Variants in DPH6 observed in about 807,000 individuals in gnomAD.
DPH6 encodes the protein diphthamine biosynthesis 6, also known as diphthine--ammonia ligase.
DPH6 carries 33 observed loss-of-function variants against 38.2 expected under a neutral mutation model. The ratio of observed to expected loss-of-function variants is 0.86; its 90% confidence interval spans 0.65 to 1.15. DPH6 has a LOEUF of 1.15. Among genes scored for constraint, DPH6 ranks in the 50% most tolerant of loss-of-function variants. DPH6 has a pLI of 0.00. For synonymous variants in DPH6, 108 were observed against 103.0 expected, an observed-to-expected ratio of 1.05 and a Z score of -0.30; for missense variants, 325 against 320.0, an observed-to-expected ratio of 1.02 and a Z score of -0.12.
intron 3 of DPH6, among the ~76,000 whole-genome samples, chr15:35,245,362 C>T (rs1420081737): frequency 6.6e-6 from 1 of 151,636 alleles, no homozygotes; most frequent in Admixed American, 6.6e-5. Context: ...CCTCAGCCTC[C>T]CCAGTAGCTG....
chr15:35,243,023 G>A (rs1272286302), intron 3 of DPH6, among the ~76,000 whole-genome samples: 2 of 142,166 alleles, frequency 1.4e-5, no homozygotes, highest in Admixed American at 7.7e-5. Context: ...TTGCTGGCAG[G>A]ACTATGCTGA....
chr15:35,368,165 C>T (rs1338899987), downstream of DPH6, among the ~76,000 whole-genome samples: 2 of 151,692 alleles, frequency 1.3e-5, no homozygotes, highest in Non-Finnish European at 2.9e-5. Context: ...ATCTCTTGTG[C>T]CTAAAGGTAT....
At chr15:35,356,881 G>T (rs2052565676) in intron 3 of DPH6, among the ~76,000 whole-genome samples, 1 of 152,184 alleles carries the variant, frequency 6.6e-6, no homozygotes, top group African/African-American at 2.4e-5. Flanking sequence ...GCCCCCAGAG[G>T]TGGAGTCTAC....
chr15:35,290,651 T>C (rs1234157597), intron 3 of DPH6, among the ~76,000 whole-genome samples: 1 of 152,206 alleles, frequency 6.6e-6, no homozygotes, highest in Admixed American at 6.5e-5. Context: ...CTGCCACTGT[T>C]AGTCTGTCTC....
chr15:35,279,877 T>C (rs1258777011), intron 3 of DPH6, among the ~76,000 whole-genome samples: 1 of 152,172 alleles, frequency 6.6e-6, no homozygotes. Context: ...AGTCAGCTTT[T>C]AGAAAGAAAT....
chr15:35,544,556 CCA>C (rs1355392891), intron 1 of DPH6, among the ~76,000 whole-genome samples: 1 of 151,722 alleles, frequency 6.6e-6, no homozygotes, highest in Non-Finnish European at 1.5e-5. Context: ...TGTAAGAATC[CCA>C]GTTTCACTTA....
At chr15:35,535,844 T>A (rs1162627398) in intron 3 of DPH6, among the ~76,000 whole-genome samples, 1 of 152,138 alleles carries the variant, frequency 6.6e-6, no homozygotes, top group Non-Finnish European at 1.5e-5. Flanking sequence ...AAAATAGTTA[T>A]GAAACATAAC....
At chr15:35,394,064 C>T (rs143153540) in intron 6 of DPH6, among the ~76,000 whole-genome samples, 190 of 152,226 alleles carry the variant, frequency 1.2e-3, no homozygotes, top group African/African-American at 4.0e-3. Flanking sequence ...GTTATTGTTA[C>T]GCTTCTCTGA....
intron 3 of DPH6, among the ~76,000 whole-genome samples, chr15:35,474,268 T>C (rs997115676): frequency 7.9e-5 from 12 of 152,132 alleles, no homozygotes; most frequent in African/African-American, 2.9e-4. Context: ...AGAAAAATTC[T>C]AATTAGCTCT....
intron 7 of DPH6, among the ~76,000 whole-genome samples, chr15:35,375,972 C>G (rs985708633): frequency 2.6e-5 from 4 of 152,118 alleles, no homozygotes; most frequent in African/African-American, 9.7e-5. Flanking sequence ...AAAAGGTATA[C>G]AGATATTCCC....
chr15:35,151,287 C>T, the DPH6 span, among the ~76,000 whole-genome samples: 2 of 152,204 alleles, frequency 1.3e-5, no homozygotes, highest in Admixed American at 1.3e-4. Flanking sequence ...GCATTCAAAA[C>T]ACCTGGGGAT....
the DPH6 span, among the ~76,000 whole-genome samples, chr15:35,202,873 C>A: frequency 6.6e-6 from 1 of 151,500 alleles, no homozygotes; most frequent in African/African-American, 2.4e-5. Flanking sequence ...ACAGAAATAA[C>A]GTATTTTCTC....
chr15:35,463,192 T>A (rs2054086700), intron 3 of DPH6, among the ~76,000 whole-genome samples: 1 of 152,164 alleles, frequency 6.6e-6, no homozygotes, highest in African/African-American at 2.4e-5. Flanking sequence ...TAAAAGTTGA[T>A]GAGTGTATGG....
chr15:35,477,747 T>C (rs1032003121), intron 3 of DPH6, among the ~76,000 whole-genome samples: 4 of 151,942 alleles, frequency 2.6e-5, no homozygotes, highest in Non-Finnish European at 5.9e-5. Context: ...ATGGATTTTC[T>C]TCAATTTCAC....
the DPH6 span, among the ~76,000 whole-genome samples, chr15:35,210,641 C>G: frequency 6.6e-6 from 1 of 152,130 alleles, no homozygotes; most frequent in African/African-American, 2.4e-5. Context: ...AGAATTAGTT[C>G]TGAGTATATG....
At chr15:35,202,451 A>G in the DPH6 span, among the ~76,000 whole-genome samples, 1 of 151,822 alleles carries the variant, frequency 6.6e-6, no homozygotes, top group African/African-American at 2.4e-5. Flanking sequence ...TGGAATGTTC[A>G]AAACAAGCTT....
At chr15:35,496,567 A>AAAAAAAAAAAAAAAATATATATATATAT in intron 3 of DPH6, among the ~76,000 whole-genome samples, 35 of 30,982 alleles carry the variant, frequency 1.1e-3, no homozygotes, top group African/African-American at 1.8e-3. Context: ...AAAAAAAAAA[A>AAAAAAAAAAAAAAAATATATATATATAT]ATATATATAT....
chr15:35,391,579 T>C (rs901964125), intron 6 of DPH6, among the ~76,000 whole-genome samples: 11 of 152,274 alleles, frequency 7.2e-5, no homozygotes, highest in African/African-American at 2.6e-4. Flanking sequence ...CACCTTGCAG[T>C]TTGATCTCAG....
chr15:35,274,103 TC>T (rs1466889849), intron 3 of DPH6, among the ~76,000 whole-genome samples: 9 of 152,064 alleles, frequency 5.9e-5, no homozygotes, highest in African/African-American at 2.2e-4. Flanking sequence ...ACACCACATG[TC>T]TACAACCATC....
Sources: gnomAD v4.1 joint callset for allele counts (sites outside exome capture counted in the v4.1 genomes callset) on GRCh38, gnomAD v4.1.1 for gene constraint, MANE v1.5 for transcripts, NCBI Gene and HGNC (gene_info 2026-07-23, HGNC 2026-07-21) for gene names.